The following GNB1L variants were observed in gnomAD, a reference collection of about 807,000 sequenced individuals.
GNB1L encodes the protein G protein subunit beta 1 like, also known as guanine nucleotide-binding protein subunit beta-like protein 1.
GNB1L carries 20 observed loss-of-function variants against 29.1 expected under a neutral mutation model. The observed-to-expected ratio is 0.69, with a 90% CI of 0.48 to 1.00. The LOEUF (loss-of-function observed/expected upper bound fraction) is 1.00. Among genes scored for constraint, GNB1L ranks in the 50% least tolerant of loss-of-function variants. The pLI is 0.00. For missense variants in GNB1L, 421 were observed against 464.9 expected, an observed-to-expected ratio of 0.91 and a Z score of 0.87; for synonymous variants, 193 against 206.5, an observed-to-expected ratio of 0.93 and a Z score of 0.56.
intron 2 of GNB1L, among the ~76,000 whole-genome samples, chr22:19,829,258 G>C (rs895792171): frequency 6.6e-6 from 1 of 152,312 alleles, no homozygotes; most frequent in East Asian, 1.9e-4. Flanking sequence ...TCTCATAACA[G>C]AGCCTACCTC....
At chr22:19,833,592 G>A (rs1343613011) in intron 2 of GNB1L, among the ~76,000 whole-genome samples, 3 of 152,094 alleles carry the variant, frequency 2.0e-5, no homozygotes, top group East Asian at 1.9e-4. Flanking sequence ...GGCCGGACGC[G>A]GTAGTTCACA....
chr22:19,839,210 A>G (rs116749611), intron 2 of GNB1L, among the ~76,000 whole-genome samples: 1 of 152,246 alleles, frequency 6.6e-6, no homozygotes, highest in African/African-American at 2.4e-5. Context: ...GTCCTGATTG[A>G]GGTGGTGTTG....
chr22:19,802,033 C>T lies in GNB1L; in HGVS notation c.700G>A (p.Val234Ile), dbSNP rs569937118. Residue 234 changes from valine (V) to isoleucine (I), a missense_variant, in exon 7 of 8, where the codon GTC (valine) becomes ATC (isoleucine). Transcript: ENST00000329517. The stretch of plus-strand genomic sequence containing the variant: ...GCCTGCTGCCAGTCCAGGCTCCAGA[C>T]AGCCAGCGCCTTCCCCGCGGAGCCT... Reference protein sequence around the residue: ...ISGSAGKALAVWSLDWQQALQ... With the variant: ...ISGSAGKALAIWSLDWQQALQ... 9 of 1,603,460 alleles carry T rather than the reference C, an allele frequency of 5.6e-6. No individual in the cohort carries two copies. Among genetic ancestry groups the T allele is most frequent in the Non-Finnish European group, 7.7e-6 (9 of 1,175,544 alleles).
chr22:19,844,707 G>A (rs1415379812), intron 2 of GNB1L, among the ~76,000 whole-genome samples: 3 of 152,212 alleles, frequency 2.0e-5, no homozygotes, highest in Admixed American at 2.0e-4. Flanking sequence ...CAGGAGCCTG[G>A]CAAGATGGCA....
rs34331843 is a variant in GNB1L at position 19,847,804 on chromosome 22, C to CAAAAAAAAAAAAAAAA, written c.-21+6623_-21+6638dup. The CAAAAAAAAAAAAAAAA allele has an allele frequency of 7.2e-4, 443 of 612,036 alleles. 3 individuals carry two copies. Among genetic ancestry groups the CAAAAAAAAAAAAAAAA allele is most frequent in the Non-Finnish European group, 8.0e-4 (414 of 519,634 alleles). The allele number at this position is 612,036 out of a possible 1,614,324, so 37.9% of individuals were successfully genotyped here. A position where few individuals can be genotyped will look rare whatever the true frequency, so the allele number is the denominator to read the frequency against. On this transcript the variant is annotated intron_variant, in intron 2 of 7. Coordinates refer to ENST00000329517, the MANE Select transcript of GNB1L (RefSeq NM_053004.3). ...ACTTTTAAAATCCTGGAATCATAGG[C>CAAAAAAAAAAAAAAAA]AAAAAAAAAAAAAAAAAAAAATTCA... is the stretch of plus-strand genomic sequence containing the variant.
chr22:19,801,889 T>C, intron 7 of GNB1L, 112 bp downstream of exon 7: 1 of 929,094 alleles, frequency 1.1e-6, no homozygotes, highest in Non-Finnish European at 1.6e-6. Context: ...CTCCAAGTGA[T>C]TAATTAGCCA....
chr22:19,835,688 T>A lies in GNB1L; in HGVS notation c.-20-14313A>T, dbSNP rs562555580. On this transcript the variant is annotated intron_variant, in intron 2 of 7. Transcript: ENST00000329517. ...GACTCTGTCTCGATAAAAAAAAAAA[T>A]GTAAAAAAACAAAGTATACAAAGTA... Among the ~76,000 whole-genome samples, 37 of 150,754 alleles carry A rather than the reference T, an allele frequency of 2.5e-4. 1 individual carries two copies. In the East Asian group the frequency reaches 6.8e-3, roughly 28 times the overall value.
intron 2 of GNB1L, among the ~76,000 whole-genome samples, chr22:19,838,352 A>G (rs186046494): frequency 1.8e-3 from 280 of 152,350 alleles, no homozygotes; most frequent in African/African-American, 6.3e-3. Context: ...TGTCAAAACC[A>G]ACAAAACCAA....
Position 19,802,168 on chromosome 22 carries a change from A to G in GNB1L, c.565T>C (p.Ser189Pro), listed in dbSNP as rs1569040673. The change falls in exon 7 of 8, where the codon TCG (serine) becomes CCG (proline). Residue 189 changes from serine (S) to proline (P), a missense_variant. Physicochemically the swap from Ser to Pro is moderately conservative, Grantham distance 74 (BLOSUM62 -1). Coordinates refer to ENST00000329517, the MANE Select transcript of GNB1L (RefSeq NM_053004.3). ...PLLLAGYEDG[S>P]VVLWDVSEQK... ...TCAGAGACGTCCCACAGGACCACCGATCCATCCTCATAGCCGGCCAGAAGG... is the reference window on the plus strand; with the variant it reads ...TCAGAGACGTCCCACAGGACCACCGGTCCATCCTCATAGCCGGCCAGAAGG... The G allele has an allele frequency of 6.2e-7, 1 of 1,613,190 alleles. No homozygotes were observed. The highest frequency in any genetic ancestry group is 1.7e-5 in the Admixed American group (1 of 60,024).
intron 2 of GNB1L, chr22:19,852,060 C>T: frequency 6.2e-7 from 1 of 1,614,264 alleles, no homozygotes; most frequent in Non-Finnish European, 8.5e-7. Context: ...GTGCCACTAG[C>T]TGTGCTCTTC....
intron 3 of GNB1L, among the ~76,000 whole-genome samples, chr22:19,820,955 G>C (rs1377465598): frequency 6.6e-6 from 1 of 152,236 alleles, no homozygotes; most frequent in African/African-American, 2.4e-5. Context: ...AGGCAGATCT[G>C]CTTCTCTGGA....
intron 2 of GNB1L, among the ~76,000 whole-genome samples, chr22:19,854,205 A>T (rs918579612): frequency 6.6e-6 from 1 of 152,106 alleles, no homozygotes; most frequent in Non-Finnish European, 1.5e-5. Flanking sequence ...ACTGGACAGC[A>T]CTATCCTAAA....
intron 2 of GNB1L, chr22:19,848,413 G>A (rs1938016918): frequency 1.0e-6 from 1 of 985,374 alleles, no homozygotes; most frequent in African/African-American, 1.7e-5. Flanking sequence ...TCCCCCAGCA[G>A]GAAAGCAGCT....
chr22:19,841,936 G>A (rs1247625443), intron 2 of GNB1L, among the ~76,000 whole-genome samples: 2 of 152,216 alleles, frequency 1.3e-5, no homozygotes, highest in African/African-American at 4.8e-5. Context: ...TGAAGATGTT[G>A]AATTGGCTGG....
intron 7 of GNB1L, among the ~76,000 whole-genome samples, chr22:19,796,310 T>C (rs1937305485): frequency 6.6e-6 from 1 of 152,206 alleles, no homozygotes; most frequent in African/African-American, 2.4e-5. Context: ...TCTCTGCGCC[T>C]GCTGGGGACC....
At chr22:19,817,219 T>C (rs1458118325) in intron 4 of GNB1L, among the ~76,000 whole-genome samples, 1 of 152,234 alleles carries the variant, frequency 6.6e-6, no homozygotes, top group Non-Finnish European at 1.5e-5. Flanking sequence ...CCAGGCACAG[T>C]GGCTCATGCC....
Position 19,821,255 on chromosome 22 carries a change from G to A in GNB1L, c.101C>T (p.Ala34Val). The A allele has an allele frequency of 6.2e-7, 1 of 1,612,624 alleles. No individual in the cohort carries two copies. The highest frequency in any genetic ancestry group is 2.2e-5 in the East Asian group (1 of 44,854). The part of the protein sequence containing the change: ...HALHFCEGAQ[A>V]QGRPLLFSGS... ...TGAGAAGAGGAGCGGGCGCCCCTGA[G>A]CCTGGGCTCCTTCGCAGAAGTGCAG... Residue 34 changes from alanine to valine, a missense_variant, in exon 3 of 8, where the codon GCT (alanine) becomes GTT (valine). Physicochemically the swap from Ala to Val is moderately conservative, Grantham distance 64. Coordinates refer to ENST00000329517, the MANE Select transcript of GNB1L (RefSeq NM_053004.3).
chr22:19,819,317 T>C (rs967040428), intron 4 of GNB1L, among the ~76,000 whole-genome samples: 2 of 152,218 alleles, frequency 1.3e-5, no homozygotes, highest in Non-Finnish European at 2.9e-5. Flanking sequence ...CTGCCACCCA[T>C]GCAGGAGGAT....
chr22:19,852,128 G>A, intron 2 of GNB1L: 2 of 1,614,178 alleles, frequency 1.2e-6, no homozygotes, highest in South Asian at 1.1e-5. Flanking sequence ...CTCAATCCAG[G>A]GATCCACAAG....
Sources: allele counts gnomAD v4.1 joint callset (sites outside exome capture counted in the v4.1 genomes callset), GRCh38; gene constraint gnomAD v4.1.1; transcripts MANE v1.5; gene names NCBI Gene and HGNC (gene_info 2026-07-23, HGNC 2026-07-21).